Variants in PARD3 observed in about 807,000 individuals in gnomAD.
PARD3 encodes partitioning defective 3 homolog.
PARD3 carries 75 observed loss-of-function variants against 155.4 expected under a neutral mutation model. That is an observed-to-expected ratio of 0.48 (90% CI 0.40 to 0.58). The LOEUF is 0.58. Ranked by LOEUF, PARD3 falls within the 20% of genes least tolerant of loss-of-function variation. PARD3 has a pLI of 0.00. For synonymous variants in PARD3, 576 were observed against 610.5 expected, an observed-to-expected ratio of 0.94 and a Z score of 0.83; for missense variants, 1,642 against 1,721.7, an observed-to-expected ratio of 0.95 and a Z score of 0.82.
intron 2 of PARD3, among the ~76,000 whole-genome samples, chr10:34,598,815 C>A (rs752676231): frequency 5.9e-5 from 9 of 152,178 alleles, no homozygotes; most frequent in Non-Finnish European, 1.2e-4. Context: ...AGTTACAGAT[C>A]TGAACACTCA....
At chr10:34,275,771 C>A (rs1955845964) in intron 21 of PARD3, among the ~76,000 whole-genome samples, 1 of 152,080 alleles carries the variant, frequency 6.6e-6, no homozygotes. Flanking sequence ...TGGTGAGTAT[C>A]TTGCAGTTGA....
intron 22 of PARD3, among the ~76,000 whole-genome samples, chr10:34,200,714 G>A (rs1465287211): frequency 2.0e-5 from 3 of 152,194 alleles, no homozygotes; most frequent in Non-Finnish European, 2.9e-5. Context: ...AGGAAAAGGA[G>A]GGGACAAAGC....
intron 7 of PARD3, among the ~76,000 whole-genome samples, chr10:34,386,912 T>C (rs767562770): frequency 7.9e-5 from 12 of 152,042 alleles, no homozygotes; most frequent in Middle Eastern, 3.2e-3. Flanking sequence ...CAGTTACTGG[T>C]ACCACTAGAA....
chr10:34,360,239 A>C lies in PARD3; in HGVS notation c.1728T>G (p.Ile576Met). 1.2e-6 allele frequency: 2 copies of C among 1,613,278 alleles called. No individual in the cohort carries two copies. The highest frequency in any genetic ancestry group is 1.7e-6 in the Non-Finnish European group (2 of 1,179,216). Reference sequence around the variant, plus strand: ...CCCTGGTGCCATCAGGTGTAAGAACAATATCCTCATCTTCTGCTTTCTAAT... The same window carrying C: ...CCCTGGTGCCATCAGGTGTAAGAACCATATCCTCATCTTCTGCTTTCTAAT... Reference protein sequence around the residue: ...PKETKAEDEDIVLTPDGTREF... With the variant: ...PKETKAEDEDMVLTPDGTREF... Residue 576 changes from isoleucine to methionine, a missense_variant, in exon 13 of 25, where the codon ATT becomes ATG. Ile to Met is a conservative substitution (Grantham distance 10). Coordinates refer to ENST00000374788, the MANE Select transcript of PARD3 (RefSeq NM_001184785.2).
At chr10:34,657,528 T>TTTTGTTTGTTTGTTTGTTTG (rs113292161) in intron 2 of PARD3, among the ~76,000 whole-genome samples, 1 of 150,236 alleles carries the variant, frequency 6.7e-6, no homozygotes, top group African/African-American at 2.5e-5. Flanking sequence ...CTCAGTTTTG[T>TTTTGTTTGTTTGTTTGTTTG]TTTGTTTGTT....
chr10:34,288,148 C>T (rs1289543407), intron 20 of PARD3, among the ~76,000 whole-genome samples: 1 of 152,118 alleles, frequency 6.6e-6, no homozygotes, highest in Non-Finnish European at 1.5e-5. Context: ...GAGATGGAGG[C>T]TGCAGTGATC....
chr10:34,251,918 T>A (rs911010489), intron 22 of PARD3, among the ~76,000 whole-genome samples: 2 of 152,174 alleles, frequency 1.3e-5, no homozygotes, highest in African/African-American at 4.8e-5. Flanking sequence ...CATATTTGAA[T>A]GTCTGTGTGG....
Position 34,372,625 on chromosome 10 carries a change from T to C in PARD3, c.1669-89A>G, listed in dbSNP as rs1225286115. On this transcript the variant is annotated intron_variant, in intron 11 of 24. Coordinates refer to ENST00000374788, the MANE Select transcript of PARD3 (RefSeq NM_001184785.2). ...ACAATGATTTATTTTAAAGAAAATT[T>C]TGTTGATTCTTAAAATCCACAAAAT... The C allele has an allele frequency of 5.2e-6, 5 of 961,716 alleles. No individual in the cohort carries two copies. The African/African-American group carries it at 6.6e-5, about 13-fold the overall frequency. The allele number at this position is 961,716 out of a possible 1,614,324, so 59.6% of individuals were successfully genotyped here. A position where few individuals can be genotyped will look rare whatever the true frequency, so the allele number is the denominator to read the frequency against.
intron 5 of PARD3, among the ~76,000 whole-genome samples, chr10:34,408,671 G>A (rs1418595537): frequency 6.6e-6 from 1 of 152,088 alleles, no homozygotes; most frequent in Non-Finnish European, 1.5e-5. Context: ...ATCTGTAGGA[G>A]AGAGGGGCTT....
chr10:34,281,139 T>C (rs1019579673), intron 21 of PARD3, among the ~76,000 whole-genome samples: 35 of 152,264 alleles, frequency 2.3e-4, no homozygotes, highest in African/African-American at 7.9e-4. Context: ...TGAAGTTACG[T>C]AGATCACTTA....
intron 20 of PARD3, among the ~76,000 whole-genome samples, chr10:34,293,803 C>G (rs1408371499): frequency 6.6e-6 from 1 of 152,150 alleles, no homozygotes; most frequent in African/African-American, 2.4e-5. Context: ...TTAAGCAGCT[C>G]AAGTGATGAG....
chr10:34,516,059 C>T (rs890977811), intron 3 of PARD3, among the ~76,000 whole-genome samples: 7 of 151,890 alleles, frequency 4.6e-5, no homozygotes, highest in East Asian at 1.9e-4. Context: ...AACCTCCAAT[C>T]GTTCAAGCAA....
At chr10:34,774,170 T>C (rs776760721) in intron 1 of PARD3, among the ~76,000 whole-genome samples, 3 of 152,148 alleles carry the variant, frequency 2.0e-5, no homozygotes, top group Admixed American at 6.5e-5. Context: ...CAGCAAAACA[T>C]ACCTGACTTC....
intron 5 of PARD3, among the ~76,000 whole-genome samples, chr10:34,411,954 G>A (rs1845122394): frequency 8.1e-6 from 1 of 122,920 alleles, no homozygotes; most frequent in Admixed American, 8.5e-5. Flanking sequence ...GTGTGTGTGT[G>A]TGTGTGTGTA....
At chr10:34,270,969 A>C (rs562253239) in intron 21 of PARD3, among the ~76,000 whole-genome samples, 1 of 152,292 alleles carries the variant, frequency 6.6e-6, no homozygotes, top group African/African-American at 2.4e-5. Context: ...TCCTAAGTCA[A>C]TCTTAGTTAC....
intron 24 of PARD3, among the ~76,000 whole-genome samples, chr10:34,117,462 C>T (rs1475840166): frequency 6.6e-6 from 1 of 151,754 alleles, no homozygotes; most frequent in African/African-American, 2.4e-5. Flanking sequence ...AGGGGGGTAG[C>T]GGAGTGGGGG....
intron 5 of PARD3, among the ~76,000 whole-genome samples, chr10:34,425,899 G>A (rs1309025100): frequency 1.3e-5 from 2 of 152,138 alleles, no homozygotes; most frequent in African/African-American, 2.4e-5. Context: ...TCACTGAAAC[G>A]TTCACAGATG....
At position 34,767,989 on chromosome 10, in the gene PARD3, T is replaced by C. The variant is rs556297632; in HGVS notation, c.120+46887A>G. Among the ~76,000 whole-genome samples, 214 of 152,264 alleles carry C rather than the reference T, an allele frequency of 1.4e-3. 1 individual carries two copies. The highest frequency in any genetic ancestry group is 5.0e-3 in the African/African-American group (209 of 41,570). On this transcript the variant is annotated intron_variant, in intron 1 of 24. Coordinates refer to ENST00000374788, the MANE Select transcript of PARD3 (RefSeq NM_001184785.2). ...AAGCAATGAGATTCTAATCTTTCTA[T>C]AAGAAGCATGAGTTTGTTTTCAAAA... is the stretch of plus-strand genomic sequence containing the variant.
At chr10:34,397,854 T>G (rs1373507185) in intron 7 of PARD3, among the ~76,000 whole-genome samples, 1 of 152,166 alleles carries the variant, frequency 6.6e-6, no homozygotes, top group Non-Finnish European at 1.5e-5. Context: ...GAAGCTATAA[T>G]CCATGCATTT....
Sources: allele counts gnomAD v4.1 joint callset (sites outside exome capture counted in the v4.1 genomes callset), GRCh38; gene constraint gnomAD v4.1.1; transcripts MANE v1.5; gene names NCBI Gene and HGNC (gene_info 2026-07-23, HGNC 2026-07-21).